Variants in FRYL observed in about 807,000 individuals in gnomAD.
FRYL encodes the protein FRY like transcription coactivator.
Under a neutral mutation model 351.2 loss-of-function variants are expected in FRYL, and 150 were observed. The ratio of observed to expected loss-of-function variants is 0.43; its 90% confidence interval spans 0.37 to 0.49. The LOEUF is 0.49. Ranked by LOEUF, FRYL falls within the 20% of genes least tolerant of loss-of-function variation. The pLI is 0.00. For synonymous variants in FRYL, 1,153 were observed against 1,257.1 expected (o/e 0.92, Z 1.75); for missense variants, 3,036 against 3,619.3 (o/e 0.84, Z 4.13).
At chr4:48,680,241 T>G (rs1300276205) in intron 3 of FRYL, among the ~76,000 whole-genome samples, 1 of 152,032 alleles carries the variant, frequency 6.6e-6, no homozygotes, top group African/African-American at 2.4e-5. Flanking sequence ...TACAGCTATT[T>G]ACTCCCTAAA....
In FRYL at chr4:48,590,836, A is replaced by C. The variant is rs1743074134; in HGVS notation, c.1336-6T>G. 1.3e-6 allele frequency: 2 copies of C among 1,590,724 alleles called. No individual in the cohort carries two copies. Among genetic ancestry groups the C allele is most frequent in the Non-Finnish European group, 1.7e-6 (2 of 1,173,010 alleles). On this transcript the variant is annotated splice_region_variant and splice_polypyrimidine_tract_variant and intron_variant, in intron 16 of 63. Transcript: ENST00000358350. ...CTGAGACCTATGTTCATTCTCTTCA[A>C]AGGAAAAAAATGCAAAAGGAAGAGA... is the stretch of plus-strand genomic sequence containing the variant.
intron 3 of FRYL, among the ~76,000 whole-genome samples, chr4:48,642,295 C>T (rs1349797777): frequency 3.9e-5 from 6 of 152,158 alleles, no homozygotes; most frequent in Middle Eastern, 3.2e-3. Flanking sequence ...AACTTGACAT[C>T]TTTATATTAT....
chr4:48,541,889 C>G lies in FRYL; in HGVS notation c.5687+138G>C, dbSNP rs538567781. On this transcript the variant is annotated intron_variant, in intron 45 of 63. Coordinates refer to ENST00000358350, the MANE Select transcript of FRYL (RefSeq NM_015030.2). Reference sequence around the variant, plus strand: ...TTTCACAAGTCCTCACTGTCTGCGGCCCATCTCCCCACTGGTAATCCATCT... The same window carrying G: ...TTTCACAAGTCCTCACTGTCTGCGGGCCATCTCCCCACTGGTAATCCATCT... 1.9e-4 allele frequency: 116 copies of G among 626,118 alleles called. 1 individual carries two copies. The East Asian group carries it at 2.6e-3, about 14-fold the overall frequency. The allele number at this position is 626,118 out of a possible 1,614,324, so 38.8% of individuals were successfully genotyped here.
intron 25 of FRYL, chr4:48,574,584 C>T (rs1418850581): frequency 6.6e-6 from 1 of 152,172 alleles, no homozygotes; most frequent in Non-Finnish European, 1.5e-5. Flanking sequence ...ATACCATTCT[C>T]ATATTAATTG....
At chr4:48,550,381 T>C in intron 38 of FRYL, 2 of 532,788 alleles carry the variant, frequency 3.8e-6, no homozygotes. Flanking sequence ...TTGTGATTTA[T>C]CTATAGGAAA....
At chr4:48,641,955 T>C (rs1755426633) in intron 3 of FRYL, among the ~76,000 whole-genome samples, 1 of 152,204 alleles carries the variant, frequency 6.6e-6, no homozygotes. Flanking sequence ...TGTCATCCAA[T>C]TGTAACTTAT....
Position 48,576,217 on chromosome 4 carries a change from G to A in FRYL, c.2534C>T (p.Pro845Leu). 1.3e-6 allele frequency: 2 copies of A among 1,576,762 alleles called. No homozygotes were observed. The highest frequency in any genetic ancestry group is 8.6e-7 in the Non-Finnish European group (1 of 1,164,490). ...GGTATTTACTTTCTTAGCATTGATGGGGCTACTAAGGAAAAAAAAAGAAAA... is the reference window on the plus strand; with the variant it reads ...GGTATTTACTTTCTTAGCATTGATGAGGCTACTAAGGAAAAAAAAAGAAAA... ...LLSPQVDINSPINAKKVNTTT... is the reference protein window; with the variant it reads ...LLSPQVDINSLINAKKVNTTT... The change falls in exon 24 of 64, where the codon CCC (proline) becomes CTC (leucine). Residue 845 changes from proline (P) to leucine (L), a missense_variant. This residue lies in a region of FRYL where 492 missense variants were observed against 551.5 expected (regional missense o/e 0.89). Coordinates refer to ENST00000358350, the MANE Select transcript of FRYL (RefSeq NM_015030.2).
chr4:48,766,558 T>C (rs781194797), intron 1 of FRYL, among the ~76,000 whole-genome samples: 5 of 152,032 alleles, frequency 3.3e-5, no homozygotes, highest in Admixed American at 3.3e-4. Flanking sequence ...ATCTCTCAGC[T>C]AGAGCAAGGC....
chr4:48,743,730 G>C (rs1772368452), intron 1 of FRYL, among the ~76,000 whole-genome samples: 1 of 152,152 alleles, frequency 6.6e-6, no homozygotes, highest in African/African-American at 2.4e-5. Flanking sequence ...GAGTAAAGCA[G>C]ATTACTCTCC....
rs1735853961 is a variant in FRYL at position 48,562,983 on chromosome 4, T to C, written c.3602A>G (p.Tyr1201Cys). 2.5e-6 allele frequency: 4 copies of C among 1,579,358 alleles called. No individual in the cohort carries two copies. The highest frequency in any genetic ancestry group is 2.6e-6 in the Non-Finnish European group (3 of 1,151,054). The change falls in exon 32 of 64, where the codon TAT becomes TGT. Residue 1201 changes from tyrosine (Y) to cysteine (C), a missense_variant. Tyr to Cys is a radical substitution (Grantham distance 194, BLOSUM62 -2). Transcript: ENST00000358350. ...AIANVFQNRD[Y>C]QCDTVMLLNL... ...TAGAAGCATCACTGTGTCACATTGA[T>C]AATCCCTAGGAATAAATTTTACATA...
intron 2 of FRYL, among the ~76,000 whole-genome samples, chr4:48,698,143 A>G (rs1173401750): frequency 6.6e-6 from 1 of 152,178 alleles, no homozygotes; most frequent in Non-Finnish European, 1.5e-5. Flanking sequence ...AGTTACCTAA[A>G]TATGTTCAAG....
chr4:48,673,574 A>AC (rs1467453256), intron 3 of FRYL, among the ~76,000 whole-genome samples: 1 of 152,222 alleles, frequency 6.6e-6, no homozygotes, highest in East Asian at 1.9e-4. Context: ...CTTTTAAAAA[A>AC]AAAATACTGT....
intron 3 of FRYL, among the ~76,000 whole-genome samples, chr4:48,673,054 G>A (rs1416213877): frequency 1.3e-5 from 2 of 152,196 alleles, no homozygotes; most frequent in Non-Finnish European, 2.9e-5. Context: ...GAGCTGTGCT[G>A]AATACCTAGG....
intron 3 of FRYL, chr4:48,681,174 C>T: frequency 1.2e-6 from 1 of 822,092 alleles, no homozygotes; most frequent in South Asian, 2.7e-5. Context: ...AGAAAGGTGC[C>T]TATACCAACT....
chr4:48,571,012 T>C, intron 26 of FRYL, 94 bp from the exon 27 acceptor site: 1 of 924,914 alleles, frequency 1.1e-6, no homozygotes. Context: ...CTGGGCTCAT[T>C]GAAGTTATTT....
In FRYL at chr4:48,567,011, G is replaced by A. The variant is rs1736944215; in HGVS notation, c.3169+237C>T. Among the ~76,000 whole-genome samples, 1 of 152,080 alleles carries A rather than the reference G, an allele frequency of 6.6e-6. No individual in the cohort carries two copies. The highest frequency in any genetic ancestry group is 1.5e-5 in the Non-Finnish European group (1 of 67,998). The stretch of plus-strand genomic sequence containing the variant: ...GAGCTTATTCTATTGATTTCTCCAG[G>A]TTTTTGTGTCAGTATCCTGATTATT... On this transcript the variant is annotated intron_variant, in intron 28 of 63. Transcript: ENST00000358350. The surrounding 1 kb of genome is among the most constrained non-coding windows in gnomAD (Gnocchi z 4.2).
At chr4:48,590,540 C>T (rs1743037387) in intron 17 of FRYL, 119 bp downstream of exon 17, 1 of 671,444 alleles carries the variant, frequency 1.5e-6, no homozygotes, top group Non-Finnish European at 2.4e-6. Flanking sequence ...TTTTGTATGG[C>T]TGTATATACT....
At chr4:48,714,726 T>C (rs1414180107) in intron 1 of FRYL, among the ~76,000 whole-genome samples, 1 of 151,056 alleles carries the variant, frequency 6.6e-6, no homozygotes, top group Non-Finnish European at 1.5e-5. Context: ...CTTCTGAAAC[T>C]ATTCCAATCA....
chr4:48,779,721 C>T (rs773214840), intron 1 of FRYL, among the ~76,000 whole-genome samples: 1 of 151,730 alleles, frequency 6.6e-6, no homozygotes, highest in Non-Finnish European at 1.5e-5. Context: ...AGGCGGCGCG[C>T]GAGGGGTACC....
Sources: gnomAD v4.1 joint callset for allele counts (sites outside exome capture counted in the v4.1 genomes callset) on GRCh38, gnomAD v4.1.1 for gene constraint, gnomAD v4.1.1 regional missense constraint, Gnocchi (gnomAD v3.1) non-coding constraint, MANE v1.5 for transcripts, NCBI Gene and HGNC (gene_info 2026-07-23, HGNC 2026-07-21) for gene names.